Variants in PPFIA2 observed in about 807,000 individuals in gnomAD.
PPFIA2 encodes the protein liprin-alpha-2.
A neutral mutation model predicts 175.5 loss-of-function variants in PPFIA2; 46 were observed. The observed-to-expected ratio is 0.26, with a 90% CI of 0.21 to 0.34. The LOEUF (loss-of-function observed/expected upper bound fraction) is 0.34, where lower values mean the gene tolerates loss of function less well. Among genes scored for constraint, PPFIA2 ranks in the 10% least tolerant of loss-of-function variants. The pLI, the probability that PPFIA2 is intolerant of heterozygous loss-of-function variation, is 1.00. For missense variants in PPFIA2, 1,179 were observed against 1,506.1 expected (o/e 0.78, Z 3.60); for synonymous variants, 568 against 511.4 (o/e 1.11, Z -1.49).
At chr12:81,541,831 T>C (rs2066263059) in intron 4 of PPFIA2, among the ~76,000 whole-genome samples, 1 of 152,090 alleles carries the variant, frequency 6.6e-6, no homozygotes, top group Non-Finnish European at 1.5e-5. Flanking sequence ...TATGATGGAA[T>C]TGGGTAATTA....
chr12:81,327,295 G>A (rs1371157077), intron 21 of PPFIA2, among the ~76,000 whole-genome samples: 2 of 151,876 alleles, frequency 1.3e-5, no homozygotes, highest in Non-Finnish European at 2.9e-5. Flanking sequence ...AATGAATACG[G>A]GTACTTAAAT....
chr12:81,731,451 A>G lies in PPFIA2; in HGVS notation c.249+22522T>C, dbSNP rs968037235. ...GAGACACAGGGAGGTTCAGTGGGTT[A>G]AGGTAACTTGAAACCCAAACTTCAA... On this transcript the variant is annotated intron_variant, in intron 3 of 32. Coordinates refer to ENST00000549396, the MANE Select transcript of PPFIA2 (RefSeq NM_003625.5). 2.0e-4 allele frequency among the ~76,000 whole-genome samples: 30 copies of G among 151,686 alleles called. 1 individual carries two copies. The highest frequency in any genetic ancestry group is 3.2e-3 in the Middle Eastern group (1 of 316).
chr12:81,604,008 T>C (rs569107378), intron 4 of PPFIA2, among the ~76,000 whole-genome samples: 41 of 151,660 alleles, frequency 2.7e-4, no homozygotes, highest in Non-Finnish European at 5.6e-4. Flanking sequence ...TCAGATACAA[T>C]ATCAGTGCTT....
intron 4 of PPFIA2, among the ~76,000 whole-genome samples, chr12:81,540,721 A>G (rs1364744573): frequency 6.6e-6 from 1 of 152,066 alleles, no homozygotes; most frequent in African/African-American, 2.4e-5. Flanking sequence ...ATATACTTAA[A>G]TAATTAAGTA....
chr12:81,442,764 C>T (rs4842391), intron 6 of PPFIA2, among the ~76,000 whole-genome samples: 47,382 of 141,992 alleles, frequency 0.33, 8,643 homozygotes, highest in East Asian at 0.53. Context: ...GTTTATTTAG[C>T]TCTGCATATG....
In PPFIA2 at chr12:81,290,792, T is replaced by C. The variant is rs1199192353; in HGVS notation, c.2925+4043A>G. Among the ~76,000 whole-genome samples, 7 of 151,914 alleles carry C rather than the reference T, an allele frequency of 4.6e-5. No homozygotes were observed. In the South Asian group the frequency reaches 1.4e-3, roughly 31 times the overall value. ...AAGTATTAAGAATATGCATTCCGTA[T>C]ACACAAATATAGCAATGGAAATAAC... On this transcript the variant is annotated intron_variant, in intron 24 of 32. Coordinates refer to ENST00000549396, the MANE Select transcript of PPFIA2 (RefSeq NM_003625.5).
chr12:81,349,849 G>C (rs2059712985), intron 17 of PPFIA2, among the ~76,000 whole-genome samples: 1 of 152,144 alleles, frequency 6.6e-6, no homozygotes, highest in Non-Finnish European at 1.5e-5. Flanking sequence ...GAAGTAATTT[G>C]AATCAGCGAG....
chr12:81,398,722 T>G (rs1435730856), intron 8 of PPFIA2, among the ~76,000 whole-genome samples: 2 of 152,128 alleles, frequency 1.3e-5, no homozygotes, highest in Non-Finnish European at 2.9e-5. Flanking sequence ...CTTTAAAGGT[T>G]AAGCACCAGC....
chr12:81,347,355 C>T (rs2059250773), intron 18 of PPFIA2, among the ~76,000 whole-genome samples, 178 bp downstream of exon 18: 1 of 152,148 alleles, frequency 6.6e-6, no homozygotes, highest in South Asian at 2.1e-4. Flanking sequence ...ACCATTTCTT[C>T]ATCTCATAAT....
chr12:81,348,883 C>G (rs964957064), intron 17 of PPFIA2, among the ~76,000 whole-genome samples: 13 of 152,074 alleles, frequency 8.5e-5, no homozygotes, highest in African/African-American at 3.1e-4. Flanking sequence ...ATAAGGGGGT[C>G]GTAAAATTCT....
intron 4 of PPFIA2, among the ~76,000 whole-genome samples, chr12:81,649,063 G>A (rs11114959): frequency 0.063 from 9,506 of 151,600 alleles, 413 homozygotes; most frequent in East Asian, 0.25. Flanking sequence ...TTTATTTAGA[G>A]AAAAATTTCT....
At chr12:81,313,736 A>G (rs987185286) in intron 22 of PPFIA2, among the ~76,000 whole-genome samples, 2 of 152,092 alleles carry the variant, frequency 1.3e-5, no homozygotes, top group Non-Finnish European at 2.9e-5. Flanking sequence ...GAAAATTGCC[A>G]AAAGCATTTG....
chr12:81,519,249 A>G (rs1369111344), intron 4 of PPFIA2, among the ~76,000 whole-genome samples: 1 of 152,200 alleles, frequency 6.6e-6, no homozygotes, highest in Non-Finnish European at 1.5e-5. Flanking sequence ...TTATATTAAT[A>G]TTGTGCTGGA....
intron 28 of PPFIA2, among the ~76,000 whole-genome samples, chr12:81,274,313 G>A (rs1461634899): frequency 6.6e-6 from 1 of 152,022 alleles, no homozygotes; most frequent in Non-Finnish European, 1.5e-5. Context: ...GGGAGTATTT[G>A]GTTTTTTTCT....
intron 4 of PPFIA2, among the ~76,000 whole-genome samples, chr12:81,607,503 G>C (rs2060454846): frequency 6.6e-6 from 1 of 152,062 alleles, no homozygotes; most frequent in African/African-American, 2.4e-5. Context: ...CTCTTGTACA[G>C]AACTTTCAAC....
intron 4 of PPFIA2, among the ~76,000 whole-genome samples, chr12:81,635,353 C>A (rs970728501): frequency 6.6e-6 from 1 of 152,208 alleles, no homozygotes; most frequent in Non-Finnish European, 1.5e-5. Context: ...AATATATACA[C>A]ACACTCACTG....
At chr12:81,587,085 T>C (rs780929352) in intron 4 of PPFIA2, among the ~76,000 whole-genome samples, 31 of 151,996 alleles carry the variant, frequency 2.0e-4, no homozygotes, top group East Asian at 3.9e-4. Flanking sequence ...AGTCACACTC[T>C]AGCAAACTGT....
chr12:81,295,998 C>CA (rs2046349402), intron 23 of PPFIA2, among the ~76,000 whole-genome samples: 1 of 149,764 alleles, frequency 6.7e-6, no homozygotes. Context: ...CAAAACGAAA[C>CA]AAAAGAAAAC....
chr12:81,562,907 T>A (rs1269348007), intron 4 of PPFIA2, among the ~76,000 whole-genome samples: 1 of 145,120 alleles, frequency 6.9e-6, no homozygotes, highest in Non-Finnish European at 1.5e-5. Context: ...AATAACTACT[T>A]ACAGTGAATA....
Sources: allele counts gnomAD v4.1 joint callset (sites outside exome capture counted in the v4.1 genomes callset), GRCh38; gene constraint gnomAD v4.1.1; transcripts MANE v1.5; gene names NCBI Gene and HGNC (gene_info 2026-07-23, HGNC 2026-07-21).